Variants in TENT4A observed in about 807,000 individuals in gnomAD.
TENT4A encodes the protein terminal nucleotidyltransferase 4A.
Under a neutral mutation model 72.8 loss-of-function variants are expected in TENT4A, and 7 were observed. That is an observed-to-expected ratio of 0.10 (90% CI 0.05 to 0.18). The LOEUF (loss-of-function observed/expected upper bound fraction) is 0.18, where lower values mean the gene tolerates loss of function less well. Among genes scored for constraint, TENT4A ranks in the 10% least tolerant of loss-of-function variants. TENT4A has a pLI of 1.00. For synonymous variants in TENT4A, 456 were observed against 434.3 expected (o/e 1.05, Z -0.62); for missense variants, 831 against 1,017.7 (o/e 0.82, Z 2.50).
chr5:6,742,543 C>T lies in TENT4A; in HGVS notation c.1062C>T (p.Ser354=), dbSNP rs763196508. 1 of 1,613,624 alleles carries T rather than the reference C, an allele frequency of 6.2e-7. No individual in the cohort carries two copies. The highest frequency in any genetic ancestry group is 8.5e-7 in the Non-Finnish European group (1 of 1,179,516). The part of the protein sequence containing the change: ...DQETEVKVDI[S]FNMETGVRAA... Reference sequence around the variant, plus strand: ...AGACTGAAGTGAAAGTTGACATCAGCTTTAACATGGAGACGGGCGTCCGGG... The same window carrying T: ...AGACTGAAGTGAAAGTTGACATCAGTTTTAACATGGAGACGGGCGTCCGGG... The change falls in exon 5 of 13, where the codon AGC becomes AGT. Residue 354 remains serine (S), a synonymous_variant. Coordinates refer to ENST00000230859, the MANE Select transcript of TENT4A (RefSeq NM_006999.6).
intron 2 of TENT4A, 42 bp downstream of exon 2, chr5:6,737,675 G>C (rs116527147): frequency 6.3e-7 from 1 of 1,595,464 alleles, no homozygotes; most frequent in Non-Finnish European, 8.5e-7. Flanking sequence ...CGTCACGTGC[G>C]AGTAAATTTA....
chr5:6,717,452 C>T (rs760005145), intron 1 of TENT4A, among the ~76,000 whole-genome samples: 1 of 152,206 alleles, frequency 6.6e-6, no homozygotes, highest in Non-Finnish European at 1.5e-5. Context: ...ACTGTTTGTC[C>T]TTTTCTGGGG....
At chr5:6,737,669 AC>A in intron 2 of TENT4A, 36 bp downstream of exon 2, 1 of 1,600,116 alleles carries the variant, frequency 6.2e-7, no homozygotes, top group Admixed American at 1.8e-5. Flanking sequence ...GTCGCACGTC[AC>A]GTGCGAGTAA....
intron 1 of TENT4A, among the ~76,000 whole-genome samples, chr5:6,735,564 A>C (rs1741436935): frequency 6.6e-6 from 1 of 152,146 alleles, no homozygotes; most frequent in Admixed American, 6.5e-5. Flanking sequence ...AACACCTCAG[A>C]CTTTAAAGTG....
chr5:6,750,820 T>C, intron 10 of TENT4A: 1 of 551,916 alleles, frequency 1.8e-6, no homozygotes, highest in Non-Finnish European at 3.2e-6. Context: ...TAAATCCAAG[T>C]ATCTCTTCTG....
chr5:6,743,913 T>G, intron 6 of TENT4A, 73 bp downstream of exon 6: 1 of 1,415,646 alleles, frequency 7.1e-7, no homozygotes, highest in Non-Finnish European at 9.8e-7. Context: ...AGTTGCCTAG[T>G]GGGTTCCAGC....
At chr5:6,746,156 T>C in intron 6 of TENT4A, 58 bp from the exon 7 acceptor site, 1 of 1,612,846 alleles carries the variant, frequency 6.2e-7, no homozygotes, top group Middle Eastern at 1.7e-4. Context: ...CGTCGCGTGC[T>C]ATTTTCTTTA....
chr5:6,738,860 G>T, intron 3 of TENT4A, 131 bp downstream of exon 3: 1 of 706,362 alleles, frequency 1.4e-6, no homozygotes, highest in Non-Finnish European at 2.5e-6. Flanking sequence ...AAAGACTGTG[G>T]TTACAGAGGG....
Position 6,714,546 on chromosome 5 carries a change from G to T in TENT4A, c.563G>T (p.Arg188Leu). 8.4e-7 allele frequency: 1 copy of T among 1,196,588 alleles called. No homozygotes were observed. 74.1% of individuals were successfully genotyped at this position (1,196,588 alleles called of 1,614,324 possible). ...PSQHQFHPGRRKRENKASTYG... is the reference protein window; with the variant it reads ...PSQHQFHPGRLKRENKASTYG... ...CAGCACCAGTTCCACCCGGGTCGCC[G>T]GAAACGCGAGAACAAGGCCAGCACC... is the stretch of plus-strand genomic sequence containing the variant. The change falls in exon 1 of 13, where the codon CGG (arginine) becomes CTG (leucine). Residue 188 changes from arginine to leucine, a missense_variant. Arg to Leu is a moderately radical substitution (Grantham distance 102). This residue lies in a region of TENT4A where 302 missense variants were observed against 293.8 expected (regional missense o/e 1.03). Transcript: ENST00000230859.
In TENT4A at chr5:6,742,576, G is replaced by A. The variant is rs748786278; in HGVS notation, c.1095G>A (p.Glu365=). 8.1e-6 allele frequency: 13 copies of A among 1,611,010 alleles called. No homozygotes were observed. The highest frequency in any genetic ancestry group is 1.6e-4 in the Middle Eastern group (1 of 6,072). The part of the protein sequence containing the change: ...FNMETGVRAA[E]FIKNYMKKYS... Reference sequence around the variant, plus strand: ...TGGAGACGGGCGTCCGGGCAGCGGAGTTCATCAAGAATTACATGAAGGTAC... The same window carrying A: ...TGGAGACGGGCGTCCGGGCAGCGGAATTCATCAAGAATTACATGAAGGTAC... The change falls in exon 5 of 13, where the codon GAG becomes GAA. Residue 365 remains glutamate, a synonymous_variant. Transcript: ENST00000230859.
chr5:6,722,542 TGTTA>T (rs1173285551), intron 1 of TENT4A, among the ~76,000 whole-genome samples: 1 of 135,414 alleles, frequency 7.4e-6, no homozygotes, highest in Non-Finnish European at 1.5e-5. Flanking sequence ...GTTTTGCATT[TGTTA>T]GTTTTTTTTT....
intron 8 of TENT4A, among the ~76,000 whole-genome samples, chr5:6,749,270 T>C (rs951394634): frequency 1.3e-5 from 2 of 152,090 alleles, no homozygotes; most frequent in Non-Finnish European, 2.9e-5. Context: ...CAGTGGGAAG[T>C]GAAATGTCAG....
In TENT4A at chr5:6,714,161, G is replaced by A. The variant is rs752272595; in HGVS notation, c.178G>A (p.Gly60Ser). 212 of 973,888 alleles carry A rather than the reference G, an allele frequency of 2.2e-4. No individual in the cohort carries two copies. The highest frequency in any genetic ancestry group is 3.9e-4 in the Admixed American group (6 of 15,438). The allele number at this position is 973,888 out of a possible 1,614,324, so 60.3% of individuals were successfully genotyped here. The change falls in exon 1 of 13, where the codon GGC becomes AGC. Residue 60 changes from glycine to serine, a missense_variant. Physicochemically the swap from Gly to Ser is moderately conservative, Grantham distance 56 (BLOSUM62 0). Transcript: ENST00000230859. ...TAAAAGAAGR[G>S]SGGLGPALPA... is the part of the protein sequence containing the mutation. The stretch of plus-strand genomic sequence containing the variant: ...GGCCGCGGCGGGGGCGGCCGGGCGG[G>A]GCAGTGGCGGCCTGGGCCCCGCGCT...
At chr5:6,727,171 C>T (rs1017489014) in intron 1 of TENT4A, among the ~76,000 whole-genome samples, 3 of 152,194 alleles carry the variant, frequency 2.0e-5, no homozygotes, top group African/African-American at 4.8e-5. Context: ...TGTGATCTTC[C>T]GTGCTGGGCT....
At position 6,751,196 on chromosome 5, in the gene TENT4A, A is replaced by G. The variant is rs762386520; in HGVS notation, c.2018A>G (p.Gln673Arg). The change falls in exon 11 of 13, where the codon CAG (glutamine) becomes CGG (arginine). Residue 673 changes from glutamine to arginine, a missense_variant and splice_region_variant. By Grantham distance (43) the Gln-to-Arg change is conservative. Transcript: ENST00000230859. ...ACACTGATCATGACAACCAACAATC[A>G]GGTACGTGGCCCTCTGGCACCCTTC... ...SRTLIMTTNN[Q>R]TRFTIPPPTL... is the part of the protein sequence containing the mutation. The G allele has an allele frequency of 5.6e-6, 9 of 1,614,226 alleles. No individual in the cohort carries two copies. The highest frequency in any genetic ancestry group is 7.6e-6 in the Non-Finnish European group (9 of 1,180,030).
Position 6,714,338 on chromosome 5 carries a change from G to A in TENT4A, c.355G>A (p.Ala119Thr), listed in dbSNP as rs937846448. The part of the protein sequence containing the change: ...SSSSSSSSSN[A>T]ESGTESPGCS... ...CTCGTCGTCGTCCTCCTCGTCCAAC[G>A]CGGAGTCGGGCACCGAGAGCCCCGG... Residue 119 changes from alanine to threonine, a missense_variant, in exon 1 of 13, where the codon GCG becomes ACG. Physicochemically the swap from Ala to Thr is moderately conservative, Grantham distance 58 (BLOSUM62 0). This residue lies in a region of TENT4A where 302 missense variants were observed against 293.8 expected (regional missense o/e 1.03). Transcript: ENST00000230859. 270 of 1,129,412 alleles carry A rather than the reference G, an allele frequency of 2.4e-4. 1 individual carries two copies. Among genetic ancestry groups the A allele is most frequent in the Non-Finnish European group, 2.7e-4 (251 of 923,046 alleles). The allele number at this position is 1,129,412 out of a possible 1,614,324, so 70.0% of individuals were successfully genotyped here.
chr5:6,747,352 C>CT (rs1742160897), intron 7 of TENT4A, among the ~76,000 whole-genome samples: 1 of 152,284 alleles, frequency 6.6e-6, no homozygotes, highest in East Asian at 1.9e-4. Context: ...GGAAGCCTTT[C>CT]TTGTCACACA....
chr5:6,731,405 T>G (rs926767349), intron 1 of TENT4A, among the ~76,000 whole-genome samples: 5 of 152,216 alleles, frequency 3.3e-5, no homozygotes, highest in South Asian at 2.1e-4. Flanking sequence ...AAAGGTAAAC[T>G]GAGGCACATA....
At chr5:6,744,955 C>G (rs1037941581) in intron 6 of TENT4A, among the ~76,000 whole-genome samples, 4 of 152,218 alleles carry the variant, frequency 2.6e-5, no homozygotes, top group Non-Finnish European at 5.9e-5. Context: ...CCTCCACCCC[C>G]TCAGGGGGTC....
Sources: gnomAD v4.1 joint callset for allele counts (sites outside exome capture counted in the v4.1 genomes callset) on GRCh38, gnomAD v4.1.1 for gene constraint, gnomAD v4.1.1 regional missense constraint, MANE v1.5 for transcripts, NCBI Gene and HGNC (gene_info 2026-07-23, HGNC 2026-07-21) for gene names.